Variants in TMIGD1 observed in about 807,000 individuals in gnomAD.
TMIGD1 encodes transmembrane and immunoglobulin domain-containing protein 1.
TMIGD1 carries 29 observed loss-of-function variants against 27.5 expected under a neutral mutation model. That is an observed-to-expected ratio of 1.05 (90% CI 0.78 to 1.44). TMIGD1 has a LOEUF of 1.44. Ranked by LOEUF, TMIGD1 falls within the 40% of genes most tolerant of loss-of-function variation. The pLI is 0.00. For synonymous variants in TMIGD1, 109 were observed against 110.3 expected (o/e 0.99, Z 0.07); for missense variants, 334 against 310.6 (o/e 1.08, Z -0.57).
At chr17:30,324,545 T>C (rs1909712735) in intron 4 of TMIGD1, among the ~76,000 whole-genome samples, 1 of 152,178 alleles carries the variant, frequency 6.6e-6, no homozygotes. Context: ...GAAATACTCT[T>C]CCCTAAAAGC....
At chr17:30,319,079 G>C (rs1038626985) in intron 4 of TMIGD1, among the ~76,000 whole-genome samples, 166 bp from the exon 5 acceptor site, 2 of 151,002 alleles carry the variant, frequency 1.3e-5, no homozygotes. Context: ...GAGGAACCAG[G>C]AGGTTTGAGG....
chr17:30,316,923 A>C (rs1302739308), intron 6 of TMIGD1: 1 of 626,842 alleles, frequency 1.6e-6, no homozygotes, highest in East Asian at 2.7e-5. Context: ...GAGCATTTGC[A>C]TTGTGTGGCA....
intron 4 of TMIGD1, among the ~76,000 whole-genome samples, chr17:30,322,568 C>G (rs187302234): frequency 6.6e-6 from 1 of 152,116 alleles, no homozygotes; most frequent in Non-Finnish European, 1.5e-5. Context: ...GGTGCGATCT[C>G]GGCTCACTGC....
chr17:30,327,393 G>A (rs900126643), intron 3 of TMIGD1, among the ~76,000 whole-genome samples: 1 of 149,680 alleles, frequency 6.7e-6, no homozygotes, highest in Non-Finnish European at 1.5e-5. Context: ...CTCCAGTGTA[G>A]GTGACAGAGT....
rs1222764827 is a variant in TMIGD1, at chr17:30,329,339, G to GGAA, written c.270_272dup (p.Ser91dup). The GGAA allele has an allele frequency of 1.3e-5, 21 of 1,613,906 alleles. No homozygotes were observed. In the Admixed American group the frequency reaches 1.7e-4, roughly 13 times the overall value. On this transcript the variant is annotated inframe_insertion, in exon 3 of 7. Transcript: ENST00000328886. ...TGATTCCGTTGTCATTTTCACTGATGGAAGAGACACAGACAGAGCTGGAAT... is the reference window on the plus strand; with the variant it reads ...TGATTCCGTTGTCATTTTCACTGATGGAAGAAGAGACACAGACAGAGCTGGAAT...
In TMIGD1 at chr17:30,324,906, T is replaced by C. The variant is rs781191966; in HGVS notation, c.550A>G (p.Lys184Glu). The C allele has an allele frequency of 2.5e-6, 4 of 1,614,214 alleles. No individual in the cohort carries two copies. The Admixed American group carries it at 5.0e-5, about 20-fold the overall frequency. Residue 184 changes from lysine (K) to glutamate (E), a missense_variant, in exon 4 of 7, where the codon AAA becomes GAA. Coordinates refer to ENST00000328886, the MANE Select transcript of TMIGD1 (RefSeq NM_206832.3). The part of the protein sequence containing the change: ...TSESFQLSIT[K>E]VEKPDNGTYS... ...GTTCCGTTGTCAGGCTTCTCGACTTTGGTGATTGACAGCTGAAAAGACTCA... is the reference window on the plus strand; with the variant it reads ...GTTCCGTTGTCAGGCTTCTCGACTTCGGTGATTGACAGCTGAAAAGACTCA...
Position 30,326,426 on chromosome 17 carries a change from T to A in TMIGD1, c.362-1332A>T, listed in dbSNP as rs964533564. Among the ~76,000 whole-genome samples, 10 of 152,312 alleles carry A rather than the reference T, an allele frequency of 6.6e-5. No individual in the cohort carries two copies. The East Asian group carries it at 1.9e-3, about 29-fold the overall frequency. ...TGTAAATCCTTCCCTATCTTTCTTT[T>A]TTCTTAAATAGTTTTCTATACATAT... On this transcript the variant is annotated intron_variant, in intron 3 of 6. Transcript: ENST00000328886.
intron 2 of TMIGD1, among the ~76,000 whole-genome samples, 185 bp downstream of exon 2, chr17:30,331,867 C>A (rs544114758): frequency 6.6e-6 from 1 of 152,284 alleles, no homozygotes; most frequent in South Asian, 2.1e-4. Flanking sequence ...GGATTACAGG[C>A]GTGAGCCACC....
chr17:30,330,887 A>G (rs1053935344), intron 2 of TMIGD1, among the ~76,000 whole-genome samples: 1 of 152,158 alleles, frequency 6.6e-6, no homozygotes, highest in Non-Finnish European at 1.5e-5. Flanking sequence ...AAACACATTA[A>G]CCTTCCTTTT....
At chr17:30,321,482 G>C (rs577061246) in intron 4 of TMIGD1, among the ~76,000 whole-genome samples, 1 of 152,336 alleles carries the variant, frequency 6.6e-6, no homozygotes, top group South Asian at 2.1e-4. Context: ...GCACAATTGA[G>C]TTTATGGATT....
intron 4 of TMIGD1, among the ~76,000 whole-genome samples, chr17:30,323,456 C>G (rs1353575395): frequency 1.3e-5 from 2 of 152,174 alleles, no homozygotes; most frequent in Non-Finnish European, 2.9e-5. Context: ...GCCCAAGCCC[C>G]AGCAGCAGAG....
At chr17:30,319,261 A>AAAAAAAAAAAAAAATATATAT in intron 4 of TMIGD1, among the ~76,000 whole-genome samples, 2 of 69,046 alleles carry the variant, frequency 2.9e-5, no homozygotes, top group Admixed American at 1.5e-4. Flanking sequence ...AAAAAAAAAA[A>AAAAAAAAAAAAAAATATATAT]ATATATATAT....
At chr17:30,325,510 G>A (rs73275758) in intron 3 of TMIGD1, among the ~76,000 whole-genome samples, 1,703 of 152,028 alleles carry the variant, frequency 0.011, 22 homozygotes, top group African/African-American at 0.034. Flanking sequence ...CATCTACACC[G>A]TTTACTGTGA....
Position 30,324,869 on chromosome 17 carries a change from A to G in TMIGD1, c.587T>C (p.Ile196Thr), listed in dbSNP as rs1006066474. 42 of 1,614,086 alleles carry G rather than the reference A, an allele frequency of 2.6e-5. 1 individual carries two copies. The highest frequency in any genetic ancestry group is 3.6e-5 in the Non-Finnish European group (42 of 1,180,016). The part of the protein sequence containing the change: ...EKPDNGTYSC[I>T]AKSSLKTESL... ...CTCCGTTTTCAGAGATGACTTTGCA[A>G]TACAACTGTAGGTTCCGTTGTCAGG... Residue 196 changes from isoleucine (I) to threonine (T), a missense_variant, in exon 4 of 7, where the codon ATT becomes ACT. Transcript: ENST00000328886.
chr17:30,324,574 A>G (rs1049567366), intron 4 of TMIGD1, among the ~76,000 whole-genome samples: 3 of 152,208 alleles, frequency 2.0e-5, no homozygotes, highest in Non-Finnish European at 4.4e-5. Context: ...ATTGTTTCCT[A>G]TATTTGGTTC....
intron 4 of TMIGD1, among the ~76,000 whole-genome samples, chr17:30,323,767 C>T (rs914016053): frequency 1.3e-5 from 2 of 151,590 alleles, no homozygotes; most frequent in Middle Eastern, 6.8e-3. Flanking sequence ...TAAATAACCA[C>T]AAAGCTTTTT....
intron 3 of TMIGD1, 89 bp downstream of exon 3, chr17:30,329,162 T>C: frequency 6.6e-7 from 1 of 1,509,362 alleles, no homozygotes. Flanking sequence ...ATTGGGCAAT[T>C]TGGCAATACC....
chr17:30,320,861 C>A (rs1048065848), intron 4 of TMIGD1, among the ~76,000 whole-genome samples: 1 of 151,998 alleles, frequency 6.6e-6, no homozygotes, highest in Non-Finnish European at 1.5e-5. Flanking sequence ...TAGTGAGACC[C>A]TTTTTTTCTT....
intron 3 of TMIGD1, among the ~76,000 whole-genome samples, chr17:30,325,385 C>G (rs1409631944): frequency 6.6e-6 from 1 of 151,990 alleles, no homozygotes. Context: ...GTAACACTAC[C>G]CAAGAGTATA....
Sources: gnomAD v4.1 joint callset for allele counts (sites outside exome capture counted in the v4.1 genomes callset) on GRCh38, gnomAD v4.1.1 for gene constraint, MANE v1.5 for transcripts, NCBI Gene and HGNC (gene_info 2026-07-23, HGNC 2026-07-21) for gene names.